The following ZNF18 variants were observed in gnomAD, a reference collection of about 807,000 sequenced individuals.
ZNF18 encodes zinc finger protein 18.
A neutral mutation model predicts 58.1 loss-of-function variants in ZNF18; 42 were observed. That is an observed-to-expected ratio of 0.72 (90% CI 0.56 to 0.93). ZNF18 has a LOEUF of 0.93. Ranked by LOEUF, ZNF18 falls within the 40% of genes least tolerant of loss-of-function variation. The pLI is 0.00. For missense variants in ZNF18, 540 were observed against 644.2 expected, an observed-to-expected ratio of 0.84 and a Z score of 1.75; for synonymous variants, 231 against 239.8, an observed-to-expected ratio of 0.96 and a Z score of 0.34.
At position 11,997,401 on chromosome 17, in the gene ZNF18, AGGCCGGGACCG is replaced by A. The variant is rs1968542275; in HGVS notation, c.-83+19_-83+29del. ...GCAAGGCCTGACCCCGAGCGGCCGG[AGGCCGGGACCG>A]CCCCGCAAGCGCGCTCACCTCGGCC... On this transcript the variant is annotated intron_variant, in intron 1 of 6. Transcript: ENST00000580306. 2 of 152,186 alleles carry A rather than the reference AGGCCGGGACCG, an allele frequency of 1.3e-5. No individual in the cohort carries two copies. The highest frequency in any genetic ancestry group is 4.8e-5 in the African/African-American group (2 of 41,456). The allele number at this position is 152,186 out of a possible 1,614,324, so 9.4% of individuals were successfully genotyped here.
the ZNF18 span, among the ~76,000 whole-genome samples, chr17:12,010,278 G>A: frequency 6.6e-6 from 1 of 152,072 alleles, no homozygotes; most frequent in East Asian, 1.9e-4. Context: ...TTGAATCTGA[G>A]CCAAGAATAG....
chr17:11,984,201 G>GAAAAAAAA lies in ZNF18; in HGVS notation c.667-12_667-5dup. 6.8e-7 allele frequency: 1 copy of GAAAAAAAA among 1,476,280 alleles called. No individual in the cohort carries two copies. Among genetic ancestry groups the GAAAAAAAA allele is most frequent in the South Asian group, 1.3e-5 (1 of 79,718 alleles). The allele number at this position is 1,476,280 out of a possible 1,614,324, so 91.4% of individuals were successfully genotyped here. ...AATCCAGTTGTCTCCACTGTTCCTG[G>GAAAAAAAA]AAAAAAAAAAAAAAAAGCAATACAA... On this transcript the variant is annotated splice_region_variant and splice_polypyrimidine_tract_variant and intron_variant, in intron 4 of 6. Transcript: ENST00000580306.
At chr17:11,988,401 G>A (rs1020139123) in intron 4 of ZNF18, among the ~76,000 whole-genome samples, 2 of 152,206 alleles carry the variant, frequency 1.3e-5, no homozygotes, top group African/African-American at 4.8e-5. Flanking sequence ...GAGTTGAGCA[G>A]AAGGAGCTCA....
Position 11,992,842 on chromosome 17 carries a change from C to T in ZNF18, c.-13G>A. 7 of 1,604,094 alleles carry T rather than the reference C, an allele frequency of 4.4e-6. No individual in the cohort carries two copies. The highest frequency in any genetic ancestry group is 5.1e-6 in the Non-Finnish European group (6 of 1,176,158). ...AGTCAACGGGCATTGTCCAGCCTGG[C>T]AAGTCCTTTTAAGTAAAGTGCTTCT... is the stretch of plus-strand genomic sequence containing the variant. On this transcript the variant is annotated 5_prime_UTR_variant, in exon 2 of 7. Transcript: ENST00000580306.
In ZNF18 at chr17:11,977,615, T is replaced by A. The variant is rs1967076239; in HGVS notation, c.*342A>T. On this transcript the variant is annotated 3_prime_UTR_variant, in exon 7 of 7. Transcript: ENST00000580306. ...AGGGGCTGATCTGAGGTTCTTCCCATAAGCAGTGACTACAGCTAATCCCAT... is the reference window on the plus strand; with the variant it reads ...AGGGGCTGATCTGAGGTTCTTCCCAAAAGCAGTGACTACAGCTAATCCCAT... The A allele has an allele frequency of 5.0e-6, 1 of 199,574 alleles. No individual in the cohort carries two copies. Among genetic ancestry groups the A allele is most frequent in the Admixed American group, 5.2e-5 (1 of 19,166 alleles). 12.4% of individuals were successfully genotyped at this position (199,574 alleles called of 1,614,324 possible). A position where few individuals can be genotyped will look rare whatever the true frequency, so the allele number is the denominator to read the frequency against.
chr17:11,992,419 C>T, intron 2 of ZNF18, 24 bp downstream of exon 2: 1 of 1,598,306 alleles, frequency 6.3e-7, no homozygotes, highest in Non-Finnish European at 8.5e-7. Flanking sequence ...GTTTCACTCG[C>T]AGATCATAAT....
upstream of ZNF18, chr17:11,998,409 TC>T (rs373321662): frequency 2.6e-5 from 4 of 152,108 alleles, no homozygotes; most frequent in African/African-American, 9.7e-5. Flanking sequence ...GCTGCCATGT[TC>T]CCCAATAACC....
rs1439615988 is a variant in ZNF18 at position 11,978,091 on chromosome 17, T to C, written c.1516A>G (p.Asn506Asp). 1 of 1,614,068 alleles carries C rather than the reference T, an allele frequency of 6.2e-7. No homozygotes were observed. Among genetic ancestry groups the C allele is most frequent in the East Asian group, 2.2e-5 (1 of 44,884 alleles). ...ICEKSFIQRS[N>D]FNRHQRVHTG... The stretch of plus-strand genomic sequence containing the variant: ...TGAACCCTCTGATGTCTATTAAAGT[T>C]TGATCTCTGAATGAAACTTTTCTCA... Residue 506 changes from asparagine to aspartate, a missense_variant, in exon 7 of 7, where the codon AAC becomes GAC. Physicochemically the swap from Asn to Asp is conservative, Grantham distance 23. Coordinates refer to ENST00000580306, the MANE Select transcript of ZNF18 (RefSeq NM_001303281.2).
At chr17:12,014,358 A>C in the ZNF18 span, among the ~76,000 whole-genome samples, 1 of 152,364 alleles carries the variant, frequency 6.6e-6, no homozygotes, top group East Asian at 1.9e-4. Flanking sequence ...CATTATTCCT[A>C]ATAGCCAAAA....
chr17:11,993,020 T>C lies in ZNF18; in HGVS notation c.-82-109A>G, dbSNP rs78643760. On this transcript the variant is annotated intron_variant, in intron 1 of 6. Transcript: ENST00000580306. ...AGCCATGGGGTCAACTATGGAGCTT[T>C]TGAAATTGCTCAATGGATACACGAT... 2,219 of 633,428 alleles carry C rather than the reference T, an allele frequency of 3.5e-3. 59 individuals are homozygous for C. The East Asian group carries it at 0.05, about 14-fold the overall frequency. The allele number at this position is 633,428 out of a possible 1,614,324, so 39.2% of individuals were successfully genotyped here.
chr17:12,001,282 G>C (rs1323711185), upstream of ZNF18, among the ~76,000 whole-genome samples: 2 of 152,176 alleles, frequency 1.3e-5, no homozygotes, highest in African/African-American at 4.8e-5. Context: ...AGTTAAACAA[G>C]AGGAGTAAGT....
At position 11,992,561 on chromosome 17, in the gene ZNF18, A is replaced by C; in HGVS notation, c.269T>G (p.Leu90Arg). ...CTGGATCTCCCCAGGCAGGATGGTCAGAAACTGCTCCAACATGAGGATCTC... is the reference window on the plus strand; with the variant it reads ...CTGGATCTCCCCAGGCAGGATGGTCCGAAACTGCTCCAACATGAGGATCTC... ...ILEILMLEQF[L>R]TILPGEIQMW... Residue 90 changes from leucine to arginine, a missense_variant, in exon 2 of 7, where the codon CTG (leucine) becomes CGG (arginine). Transcript: ENST00000580306. 6.2e-7 allele frequency: 1 copy of C among 1,614,238 alleles called. No homozygotes were observed. Among genetic ancestry groups the C allele is most frequent in the South Asian group, 1.1e-5 (1 of 91,090 alleles).
chr17:11,979,922 A>C (rs968671288), intron 6 of ZNF18, among the ~76,000 whole-genome samples: 2 of 152,206 alleles, frequency 1.3e-5, no homozygotes, highest in South Asian at 4.1e-4. Flanking sequence ...GTCATAATAA[A>C]CATATAATTT....
chr17:12,014,347 G>A, the ZNF18 span, among the ~76,000 whole-genome samples: 10 of 152,144 alleles, frequency 6.6e-5, no homozygotes, highest in Non-Finnish European at 1.5e-4. Flanking sequence ...GCTCATTGCA[G>A]CATTATTCCT....
the ZNF18 span, among the ~76,000 whole-genome samples, chr17:12,013,974 G>C: frequency 6.6e-6 from 1 of 152,182 alleles, no homozygotes; most frequent in Non-Finnish European, 1.5e-5. Flanking sequence ...ATGGTCACGA[G>C]AGTTCATGTT....
At chr17:12,000,714 C>CAGAAAGAAAGAAAGGA (rs1968641754), upstream of ZNF18, among the ~76,000 whole-genome samples, 1 of 152,024 alleles carries the variant, frequency 6.6e-6, no homozygotes, top group South Asian at 2.1e-4. Context: ...GAAACTCTGT[C>CAGAAAGAAAGAAAGGA]AGAAAGAAAG....
Position 11,978,172 on chromosome 17 carries a change from A to G in ZNF18, c.1435T>C (p.Leu479=), listed in dbSNP as rs528487702. The G allele has an allele frequency of 1.2e-6, 2 of 1,614,056 alleles. No individual in the cohort carries two copies. The highest frequency in any genetic ancestry group is 2.7e-5 in the African/African-American group (2 of 74,992). The part of the protein sequence containing the change: ...CGKGFSDFSG[L]RHHEKIHTGE... Reference sequence around the variant, plus strand: ...GTGTGGATTTTCTCGTGGTGGCGCAATCCTGAGAAGTCACTAAAGCCTTTC... The same window carrying G: ...GTGTGGATTTTCTCGTGGTGGCGCAGTCCTGAGAAGTCACTAAAGCCTTTC... Residue 479 remains leucine, a synonymous_variant, in exon 7 of 7, where the codon TTG becomes CTG. Transcript: ENST00000580306.
At chr17:11,991,252 T>C in intron 2 of ZNF18, 89 bp from the exon 3 acceptor site, 2 of 1,151,114 alleles carry the variant, frequency 1.7e-6, no homozygotes, top group Admixed American at 2.4e-5. Context: ...CAACAGATCA[T>C]AAGACAATTT....
chr17:12,018,948 C>CTA, the ZNF18 span, among the ~76,000 whole-genome samples: 1 of 150,408 alleles, frequency 6.6e-6, no homozygotes. Context: ...ATAAATATAA[C>CTA]TATATATATA....
Sources: allele counts gnomAD v4.1 joint callset (sites outside exome capture counted in the v4.1 genomes callset), GRCh38; gene constraint gnomAD v4.1.1; transcripts MANE v1.5; gene names NCBI Gene and HGNC (gene_info 2026-07-23, HGNC 2026-07-21).